ZNF362: variants seen among roughly 807,000 people sequenced by gnomAD.
ZNF362 encodes the protein zinc finger protein 362, also known as rotund homolog.
A neutral mutation model predicts 42.9 loss-of-function variants in ZNF362; 11 were observed. The ratio of observed to expected loss-of-function variants is 0.26; its 90% confidence interval spans 0.16 to 0.42. ZNF362 has a LOEUF of 0.42. Among genes scored for constraint, ZNF362 ranks in the 20% least tolerant of loss-of-function variants. ZNF362 has a pLI of 1.00. For synonymous variants in ZNF362, 255 were observed against 257.3 expected (o/e 0.99, Z 0.09); for missense variants, 362 against 576.2 (o/e 0.63, Z 3.81).
chr1:33,232,903 A>G, the ZNF362 span, among the ~76,000 whole-genome samples: 10 of 152,192 alleles, frequency 6.6e-5, no homozygotes, highest in Admixed American at 3.9e-4. Context: ...GAGGCTGGAA[A>G]CTAACATTTG....
At chr1:33,267,490 G>A (rs1269632054) in intron 1 of ZNF362, among the ~76,000 whole-genome samples, 1 of 152,112 alleles carries the variant, frequency 6.6e-6, no homozygotes, top group Non-Finnish European at 1.5e-5. Flanking sequence ...TGTATCACAA[G>A]TATTTTTTTA....
intron 1 of ZNF362, among the ~76,000 whole-genome samples, chr1:33,260,770 T>A (rs960730656): frequency 6.6e-5 from 10 of 152,086 alleles, no homozygotes. Flanking sequence ...AGGGCTGTCT[T>A]CTCCTTCCTC....
At chr1:33,144,115 A>G in the ZNF362 span, among the ~76,000 whole-genome samples, 1 of 143,684 alleles carries the variant, frequency 7.0e-6, no homozygotes, top group African/African-American at 2.6e-5. Flanking sequence ...TTGATATATG[A>G]TTCCGCTTTA....
the ZNF362 span, chr1:33,159,605 C>T: frequency 2.0e-6 from 3 of 1,493,784 alleles, no homozygotes; most frequent in African/African-American, 1.4e-5. This position sits in a 1 kb window ranked among gnomAD's most constrained non-coding sequence, Gnocchi z 4.2. Flanking sequence ...TGCTAAGGAT[C>T]CCATCTGCCT....
At chr1:33,156,874 T>C in the ZNF362 span, among the ~76,000 whole-genome samples, 1 of 152,144 alleles carries the variant, frequency 6.6e-6, no homozygotes, top group Admixed American at 6.6e-5. Flanking sequence ...GATTTGCTAA[T>C]CCGCTAGCAA....
chr1:33,159,828 C>G, the ZNF362 span: 5 of 1,613,592 alleles, frequency 3.1e-6, no homozygotes, highest in Non-Finnish European at 4.2e-6. The surrounding 1 kb of genome is among the most constrained non-coding windows in gnomAD (Gnocchi z 4.2). Context: ...TGTCGGTCAG[C>G]GTGCGGGCCG....
At chr1:33,227,186 C>A in the ZNF362 span, among the ~76,000 whole-genome samples, 15 of 152,048 alleles carry the variant, frequency 9.9e-5, no homozygotes, top group African/African-American at 3.6e-4. Flanking sequence ...TCGTATGGTA[C>A]GTGAATTATA....
the ZNF362 span, among the ~76,000 whole-genome samples, chr1:33,187,725 G>A: frequency 6.6e-6 from 1 of 152,192 alleles, no homozygotes; most frequent in Non-Finnish European, 1.5e-5. Flanking sequence ...CCACAATTAT[G>A]TCCTCTGGTA....
chr1:33,290,369 C>T (rs1646068671), intron 6 of ZNF362, among the ~76,000 whole-genome samples: 1 of 151,872 alleles, frequency 6.6e-6, no homozygotes, highest in Admixed American at 6.6e-5. Context: ...CAGCTTCATC[C>T]ATGTCCCTAC....
chr1:33,127,844 A>C, the ZNF362 span, among the ~76,000 whole-genome samples: 1 of 152,130 alleles, frequency 6.6e-6, no homozygotes, highest in Non-Finnish European at 1.5e-5. Flanking sequence ...ACTGCTTGCC[A>C]GGCCCTGCTC....
the ZNF362 span, chr1:33,146,980 C>A: frequency 1.6e-6 from 1 of 621,978 alleles, no homozygotes; most frequent in South Asian, 2.0e-5. Context: ...GTCAGAGCTA[C>A]AGAACATCGA....
chr1:33,252,144 GGAGTTT>G (rs1645764449), upstream of ZNF362, among the ~76,000 whole-genome samples: 1 of 152,174 alleles, frequency 6.6e-6, no homozygotes, highest in Admixed American at 6.5e-5. Context: ...CCTGAGGTCG[GGAGTTT>G]GAGACCAGCC....
At chr1:33,138,417 T>C in the ZNF362 span, among the ~76,000 whole-genome samples, 556 of 152,042 alleles carry the variant, frequency 3.7e-3, 4 homozygotes, top group South Asian at 0.018. Flanking sequence ...ATCCCAACAC[T>C]TTAAGAAGCT....
chr1:33,217,515 A>C, the ZNF362 span, among the ~76,000 whole-genome samples: 1 of 152,054 alleles, frequency 6.6e-6, no homozygotes, highest in East Asian at 1.9e-4. Context: ...TATCCCAACC[A>C]CCAGCTTGCT....
the ZNF362 span, among the ~76,000 whole-genome samples, chr1:33,130,598 C>T: frequency 1.3e-5 from 2 of 152,354 alleles, no homozygotes; most frequent in Admixed American, 6.5e-5. Context: ...CCAGCCAACA[C>T]CTGATTGCAG....
chr1:33,299,092 C>A lies in ZNF362; in HGVS notation c.*46C>A. ...CACCCGGCCCACTGGCAGACACAGA[C>A]CCAGGCAGCACCAGGCCCCAGCTCC... On this transcript the variant is annotated 3_prime_UTR_variant, in exon 9 of 9. Coordinates refer to ENST00000539719, the MANE Select transcript of ZNF362 (RefSeq NM_152493.3). 6.7e-7 allele frequency: 1 copy of A among 1,497,806 alleles called. No homozygotes were observed. Among genetic ancestry groups the A allele is most frequent in the Non-Finnish European group, 9.2e-7 (1 of 1,087,710 alleles). The allele number at this position is 1,497,806 out of a possible 1,614,324, so 92.8% of individuals were successfully genotyped here. A position where few individuals can be genotyped will look rare whatever the true frequency, so the allele number is the denominator to read the frequency against.
At chr1:33,246,275 A>C in the ZNF362 span, among the ~76,000 whole-genome samples, 1 of 152,176 alleles carries the variant, frequency 6.6e-6, no homozygotes, top group South Asian at 2.1e-4. Flanking sequence ...GGCTGGGACC[A>C]GGCAGGGGAA....
At chr1:33,296,495 A>G (rs780582008) in intron 8 of ZNF362, among the ~76,000 whole-genome samples, 4 of 152,114 alleles carry the variant, frequency 2.6e-5, no homozygotes, top group South Asian at 2.1e-4. Context: ...AATCACCTCA[A>G]TTGAGAACCA....
chr1:33,265,455 C>T lies in ZNF362; in HGVS notation c.-88-5032C>T, dbSNP rs1310540919. ...AACAGCCCTTCCCAGCCCCGTGGGGCTGCGGAAACCCGGTCTAATTGGATC... is the reference window on the plus strand; with the variant it reads ...AACAGCCCTTCCCAGCCCCGTGGGGTTGCGGAAACCCGGTCTAATTGGATC... On this transcript the variant is annotated intron_variant, in intron 1 of 8. Transcript: ENST00000539719. 2.6e-5 allele frequency among the ~76,000 whole-genome samples: 4 copies of T among 152,068 alleles called. No homozygotes were observed. The East Asian group carries it at 7.8e-4, about 29-fold the overall frequency.
Sources: gnomAD v4.1 joint callset for allele counts (sites outside exome capture counted in the v4.1 genomes callset) on GRCh38, gnomAD v4.1.1 for gene constraint, Gnocchi (gnomAD v3.1) non-coding constraint, MANE v1.5 for transcripts, NCBI Gene and HGNC (gene_info 2026-07-23, HGNC 2026-07-21) for gene names.